The following SLC6A11 variants were observed in gnomAD, a reference collection of about 807,000 sequenced individuals.
The protein encoded by SLC6A11 is sodium- and chloride-dependent GABA transporter 3.
In SLC6A11, 25 loss-of-function variants were observed where a neutral mutation model predicts 74.8. The ratio of observed to expected loss-of-function variants is 0.33; its 90% CI spans 0.24 to 0.47. The LOEUF is 0.47. SLC6A11 is among the 20% of genes least tolerant of loss of function. The pLI, the probability that SLC6A11 is intolerant of heterozygous loss-of-function variation, is 1.00. For missense variants in SLC6A11, 574 were observed against 837.0 expected, an observed-to-expected ratio of 0.69 and a Z score of 3.88; for synonymous variants, 330 against 330.2, an observed-to-expected ratio of 1.00 and a Z score of 0.01.
At chr3:10,841,745 G>T (rs893615236) in intron 4 of SLC6A11, among the ~76,000 whole-genome samples, 1 of 152,220 alleles carries the variant, frequency 6.6e-6, no homozygotes, top group Non-Finnish European at 1.5e-5. Flanking sequence ...CCCTAAGTGG[G>T]TTCCAGTTTT....
In SLC6A11 at chr3:10,918,969, C is replaced by T. The variant is rs988613243; in HGVS notation, c.1120+516C>T. 1.3e-5 allele frequency among the ~76,000 whole-genome samples: 2 copies of T among 152,146 alleles called. No individual in the cohort carries two copies. The highest frequency in any genetic ancestry group is 4.8e-5 in the African/African-American group (2 of 41,446). ...CCTGTGGCCCCACCAGCCTCACCAC[C>T]TACGATTCCCCCACACTCACTCGGT... On this transcript the variant is annotated intron_variant, in intron 8 of 13. Coordinates refer to ENST00000254488, the MANE Select transcript of SLC6A11 (RefSeq NM_014229.3). This position sits in a 1 kb window ranked among gnomAD's most constrained non-coding sequence, Gnocchi z 4.5.
chr3:10,841,031 G>A (rs1264455509), intron 4 of SLC6A11, among the ~76,000 whole-genome samples: 1 of 152,152 alleles, frequency 6.6e-6, no homozygotes. Flanking sequence ...GCTTCTGGGT[G>A]GAAAGCTCCA....
chr3:10,846,781 C>T (rs760931445), intron 5 of SLC6A11, among the ~76,000 whole-genome samples: 5 of 152,164 alleles, frequency 3.3e-5, no homozygotes, highest in Admixed American at 6.5e-5. Context: ...GAGCCGCTGC[C>T]TCTACCTTAC....
intron 7 of SLC6A11, among the ~76,000 whole-genome samples, chr3:10,913,839 G>T (rs1020063035): frequency 6.6e-6 from 1 of 151,888 alleles, no homozygotes; most frequent in Middle Eastern, 3.2e-3. Flanking sequence ...GACTACAGGC[G>T]CCCGCCACCA....
intron 12 of SLC6A11, among the ~76,000 whole-genome samples, chr3:10,934,436 G>A (rs1480152347): frequency 6.6e-6 from 1 of 152,184 alleles, no homozygotes; most frequent in East Asian, 1.9e-4. Context: ...CGCAAATCGG[G>A]CGCTGGATCC....
chr3:10,832,068 TTTAA>T (rs1353978591), intron 4 of SLC6A11, among the ~76,000 whole-genome samples: 3 of 152,260 alleles, frequency 2.0e-5, no homozygotes, highest in African/African-American at 7.2e-5. Context: ...TATTAGTTCA[TTTAA>T]TTATTTAAAT....
At chr3:10,875,126 AC>A in intron 6 of SLC6A11, 31 bp downstream of exon 6, 2 of 1,551,084 alleles carry the variant, frequency 1.3e-6, no homozygotes, top group Non-Finnish European at 8.8e-7. Context: ...GTGCAGCATC[AC>A]CCACCACCAC....
At chr3:10,934,216 C>A in intron 12 of SLC6A11, 50 bp downstream of exon 12, 1 of 1,290,562 alleles carries the variant, frequency 7.7e-7, no homozygotes, top group Non-Finnish European at 1.1e-6. Flanking sequence ...ACCCATCTAC[C>A]CTCCAACCCA....
intron 4 of SLC6A11, among the ~76,000 whole-genome samples, chr3:10,836,243 T>C (rs1440135091): frequency 6.6e-6 from 1 of 152,374 alleles, no homozygotes; most frequent in East Asian, 1.9e-4. Context: ...GGGTAGACCA[T>C]ATTTTGTGAA....
intron 4 of SLC6A11, among the ~76,000 whole-genome samples, chr3:10,831,750 G>A (rs551026125): frequency 1.2e-4 from 19 of 152,302 alleles, no homozygotes; most frequent in African/African-American, 2.9e-4. Context: ...AAGCTGTTAC[G>A]TGTCATAATG....
chr3:10,853,041 G>A (rs970900431), intron 5 of SLC6A11, among the ~76,000 whole-genome samples: 4 of 152,158 alleles, frequency 2.6e-5, no homozygotes, highest in Non-Finnish European at 4.4e-5. Context: ...TCACCTCTCT[G>A]GGCCGTAGTT....
chr3:10,930,038 C>T (rs762781729), intron 10 of SLC6A11, among the ~76,000 whole-genome samples: 1 of 152,070 alleles, frequency 6.6e-6, no homozygotes, highest in Non-Finnish European at 1.5e-5. Context: ...GAACTGTTGC[C>T]TAGAAACAAG....
chr3:10,935,573 C>G (rs1237789028), intron 13 of SLC6A11, among the ~76,000 whole-genome samples: 2 of 152,224 alleles, frequency 1.3e-5, no homozygotes, highest in African/African-American at 4.8e-5. Flanking sequence ...ATCATTCTGA[C>G]CTGTCACTGT....
chr3:10,840,297 C>T (rs928263393), intron 4 of SLC6A11, among the ~76,000 whole-genome samples: 1 of 152,146 alleles, frequency 6.6e-6, no homozygotes, highest in Admixed American at 6.5e-5. Flanking sequence ...CCCTTGGGGG[C>T]CTTTCTCCTG....
chr3:10,869,547 G>A (rs758977499), intron 5 of SLC6A11, among the ~76,000 whole-genome samples: 14 of 152,218 alleles, frequency 9.2e-5, no homozygotes, highest in Non-Finnish European at 2.1e-4. Context: ...GACAAAGAGA[G>A]ACTGAGAAAA....
chr3:10,865,748 A>G (rs1694756306), intron 5 of SLC6A11, among the ~76,000 whole-genome samples: 1 of 152,188 alleles, frequency 6.6e-6, no homozygotes, highest in Non-Finnish European at 1.5e-5. Flanking sequence ...ACACAGACAA[A>G]ACTTTCTGAA....
Position 10,915,668 on chromosome 3 carries a change from G to T in SLC6A11, c.996-2661G>T, listed in dbSNP as rs59127432. 0.063 allele frequency among the ~76,000 whole-genome samples: 9,616 copies of T among 152,092 alleles called. 608 individuals carry two copies. Among genetic ancestry groups the T allele is most frequent in the African/African-American group, 0.15 (6,409 of 41,454 alleles). ...ACCACTAAGCCCTGTCTGCTTGAAG[G>T]GGTGGGTGTTCTGAGGACTGGAGGG... On this transcript the variant is annotated intron_variant, in intron 7 of 13. Coordinates refer to ENST00000254488, the MANE Select transcript of SLC6A11 (RefSeq NM_014229.3). The surrounding 1 kb of genome is among the most constrained non-coding windows in gnomAD (Gnocchi z 4.3).
At chr3:10,899,590 T>TGGG (rs1466709885) in intron 6 of SLC6A11, among the ~76,000 whole-genome samples, 1 of 152,252 alleles carries the variant, frequency 6.6e-6, no homozygotes, top group African/African-American at 2.4e-5. Flanking sequence ...GCATTTCTGC[T>TGGG]GGGCAGCTTC....
In SLC6A11 at chr3:10,935,151, G is replaced by A. The variant is rs138273152; in HGVS notation, c.1698G>A (p.Pro566=). The change falls in exon 13 of 14, where the codon CCG becomes CCA. Residue 566 remains proline (P), a synonymous_variant. Transcript: ENST00000254488. ...CCCTGTCCTCCATGCTCTGCATCCCGCTCTGGATCTGCATCACAGTGTGGA... is the reference window on the plus strand; with the variant it reads ...CCCTGTCCTCCATGCTCTGCATCCCACTCTGGATCTGCATCACAGTGTGGA... ...LMALSSMLCI[P]LWICITVWKT... 28 of 1,614,072 alleles carry A rather than the reference G, an allele frequency of 1.7e-5. 1 individual carries two copies. The East Asian group carries it at 2.7e-4, about 15-fold the overall frequency.
Sources: gnomAD v4.1 joint callset for allele counts (sites outside exome capture counted in the v4.1 genomes callset) on GRCh38, gnomAD v4.1.1 for gene constraint, Gnocchi (gnomAD v3.1) non-coding constraint, MANE v1.5 for transcripts, NCBI Gene and HGNC (gene_info 2026-07-23, HGNC 2026-07-21) for gene names.